Variants in PTPRT observed in about 807,000 individuals in gnomAD.
The protein encoded by PTPRT is protein tyrosine phosphatase receptor type T.
Under a neutral mutation model 176.8 loss-of-function variants are expected in PTPRT, and 56 were observed. The observed-to-expected ratio is 0.32, with a 90% confidence interval of 0.26 to 0.40. The LOEUF (loss-of-function observed/expected upper bound fraction) is 0.40, where lower values mean the gene tolerates loss of function less well. Ranked by LOEUF, PTPRT falls within the 10% of genes least tolerant of loss-of-function variation. PTPRT has a pLI of 1.00. For synonymous variants in PTPRT, 783 were observed against 739.0 expected (o/e 1.06, Z -0.96); for missense variants, 1,540 against 1,908.2 (o/e 0.81, Z 3.60).
chr20:42,270,386 CTG>C (rs1159902892), intron 13 of PTPRT: 1 of 1,303,172 alleles, frequency 7.7e-7, no homozygotes, highest in South Asian at 1.3e-5. Flanking sequence ...GCCCAGGGCT[CTG>C]GTGATCACCT....
chr20:42,951,872 A>C (rs904028942), intron 1 of PTPRT, among the ~76,000 whole-genome samples: 1 of 152,146 alleles, frequency 6.6e-6, no homozygotes, highest in African/African-American at 2.4e-5. Flanking sequence ...GGATAATTGT[A>C]CCTATCTCCC....
At chr20:42,105,196 C>CA (rs1303030280) in intron 24 of PTPRT, among the ~76,000 whole-genome samples, 1 of 152,186 alleles carries the variant, frequency 6.6e-6, no homozygotes, top group African/African-American at 2.4e-5. Context: ...GCATGTGTCT[C>CA]AGAGTTCGCC....
intron 16 of PTPRT, among the ~76,000 whole-genome samples, chr20:42,189,089 T>A (rs1195798630): frequency 1.3e-5 from 2 of 151,994 alleles, no homozygotes; most frequent in African/African-American, 4.8e-5. Flanking sequence ...AAATGTGAAG[T>A]CCTTTCCAAG....
chr20:42,652,234 G>A (rs1163685046), intron 7 of PTPRT, among the ~76,000 whole-genome samples: 4 of 152,114 alleles, frequency 2.6e-5, no homozygotes, highest in Admixed American at 2.6e-4. Flanking sequence ...AGGATACTTG[G>A]AGAGATTCCT....
chr20:42,257,908 G>C lies in PTPRT; in HGVS notation c.2177-9086C>G, dbSNP rs1600738215. Among the ~76,000 whole-genome samples the C allele has an allele frequency of 4.6e-5, 7 of 152,020 alleles. No individual in the cohort carries two copies. The South Asian group carries it at 1.5e-3, about 32-fold the overall frequency. Reference sequence around the variant, plus strand: ...GTTCCATCATTATACCTATTTCTGAGATGTGGGAACAGCCTCTGAGAGACT... The same window carrying C: ...GTTCCATCATTATACCTATTTCTGACATGTGGGAACAGCCTCTGAGAGACT... On this transcript the variant is annotated intron_variant, in intron 13 of 30. Coordinates refer to ENST00000373187, the MANE Select transcript of PTPRT (RefSeq NM_007050.6).
intron 7 of PTPRT, among the ~76,000 whole-genome samples, chr20:42,605,208 C>T (rs1292842013): frequency 6.6e-6 from 1 of 152,162 alleles, no homozygotes; most frequent in Non-Finnish European, 1.5e-5. Context: ...GTCACGTGGT[C>T]AGAGCTGGAC....
chr20:42,417,844 C>A (rs577198079), intron 9 of PTPRT, among the ~76,000 whole-genome samples: 14 of 151,994 alleles, frequency 9.2e-5, no homozygotes, highest in African/African-American at 2.9e-4. Context: ...CTCAAGTGAT[C>A]TTCCCACCTC....
intron 7 of PTPRT, among the ~76,000 whole-genome samples, chr20:42,512,840 G>T (rs2071983027): frequency 6.6e-6 from 1 of 151,950 alleles, no homozygotes; most frequent in Non-Finnish European, 1.5e-5. Context: ...TTGTCATTGT[G>T]ATGTTTTTTG....
At chr20:43,065,598 T>C (rs983811240) in intron 1 of PTPRT, among the ~76,000 whole-genome samples, 38 of 152,142 alleles carry the variant, frequency 2.5e-4, no homozygotes, top group Admixed American at 2.2e-3. Flanking sequence ...GAAAATGAAA[T>C]TTCCCAGAAC....
At chr20:42,933,428 C>G (rs6065552) in intron 1 of PTPRT, among the ~76,000 whole-genome samples, 1 of 152,134 alleles carries the variant, frequency 6.6e-6, no homozygotes, top group African/African-American at 2.4e-5. Flanking sequence ...TCACTCTTCC[C>G]TGAACCCTTT....
chr20:42,576,631 G>T (rs968137283), intron 7 of PTPRT, among the ~76,000 whole-genome samples: 1 of 152,126 alleles, frequency 6.6e-6, no homozygotes, highest in Non-Finnish European at 1.5e-5. Context: ...GGAGTTTTCT[G>T]ACCCAGGAGT....
chr20:42,531,655 G>C (rs79185580), intron 7 of PTPRT, among the ~76,000 whole-genome samples: 3,218 of 152,304 alleles, frequency 0.021, 112 homozygotes, highest in African/African-American at 0.074. Flanking sequence ...GATAAATGCT[G>C]AAGAATAACG....
chr20:43,167,302 C>G (rs534897058), intron 1 of PTPRT, among the ~76,000 whole-genome samples: 43 of 152,266 alleles, frequency 2.8e-4, no homozygotes, highest in Non-Finnish European at 5.1e-4. Flanking sequence ...ATAAATTAAC[C>G]AAGGTAAATA....
intron 7 of PTPRT, among the ~76,000 whole-genome samples, chr20:42,614,059 G>T (rs1478143150): frequency 6.6e-6 from 1 of 152,036 alleles, no homozygotes; most frequent in Non-Finnish European, 1.5e-5. Flanking sequence ...CAAGATCAAG[G>T]TGTCAGCAGG....
intron 3 of PTPRT, among the ~76,000 whole-genome samples, chr20:42,783,621 G>A (rs2077246752): frequency 6.6e-6 from 1 of 152,124 alleles, no homozygotes; most frequent in African/African-American, 2.4e-5. Context: ...GCCAGCTCCA[G>A]TTTTTAGGGA....
At chr20:42,696,643 G>A (rs919085320) in intron 6 of PTPRT, among the ~76,000 whole-genome samples, 4 of 151,880 alleles carry the variant, frequency 2.6e-5, no homozygotes, top group Non-Finnish European at 5.9e-5. Flanking sequence ...TTTTTGTAGA[G>A]ACTGGGTTTC....
At position 42,080,977 on chromosome 20, in the gene PTPRT, CGA is replaced by C. The variant is rs764597733; in HGVS notation, c.4273-47_4273-46del. 1.0e-5 allele frequency: 15 copies of C among 1,467,706 alleles called. No homozygotes were observed. The South Asian group carries it at 1.6e-4, about 16-fold the overall frequency. 90.9% of individuals were successfully genotyped at this position (1,467,706 alleles called of 1,614,324 possible). ...AGAGGCAGAGAGGGAGAAGAGGAGA[CGA>C]GAGAGATGAAAAAGGAAAGGGAAAA... On this transcript the variant is annotated intron_variant, in intron 30 of 30. Coordinates refer to ENST00000373187, the MANE Select transcript of PTPRT (RefSeq NM_007050.6).
At chr20:42,824,702 AC>A (rs2077963034) in intron 2 of PTPRT, among the ~76,000 whole-genome samples, 1 of 152,076 alleles carries the variant, frequency 6.6e-6, no homozygotes, top group South Asian at 2.1e-4. Context: ...CTAGAAAAAT[AC>A]AAGAGAATAT....
chr20:42,235,548 C>T (rs56256174), intron 15 of PTPRT, among the ~76,000 whole-genome samples: 24,774 of 152,072 alleles, frequency 0.16, 2,547 homozygotes, highest in Non-Finnish European at 0.22. Flanking sequence ...CGTGAGCCAC[C>T]GCACCTGGCC....
Sources: gnomAD v4.1 joint callset for allele counts (sites outside exome capture counted in the v4.1 genomes callset) on GRCh38, gnomAD v4.1.1 for gene constraint, MANE v1.5 for transcripts, NCBI Gene and HGNC (gene_info 2026-07-23, HGNC 2026-07-21) for gene names.